Variants in SETD7 observed in about 807,000 individuals in gnomAD.
The protein encoded by SETD7 is SET domain containing 7, histone lysine methyltransferase.
A neutral mutation model predicts 41.8 loss-of-function variants in SETD7; 16 were observed. The observed-to-expected ratio is 0.38, with a 90% CI of 0.26 to 0.58. The LOEUF (loss-of-function observed/expected upper bound fraction) is 0.58. Among genes scored for constraint, SETD7 ranks in the 20% least tolerant of loss-of-function variants. SETD7 has a pLI of 0.64. For missense variants in SETD7, 346 were observed against 459.7 expected, an observed-to-expected ratio of 0.75 and a Z score of 2.26; for synonymous variants, 163 against 169.7, an observed-to-expected ratio of 0.96 and a Z score of 0.31.
intron 3 of SETD7, 113 bp from the exon 4 acceptor site, chr4:139,529,333 A>G: frequency 1.3e-6 from 1 of 785,900 alleles, no homozygotes; most frequent in South Asian, 2.1e-5. Context: ...AGTAGGGATA[A>G]TAACAGTTTA....
chr4:139,521,049 C>T (rs958150748), intron 5 of SETD7, among the ~76,000 whole-genome samples: 1 of 152,170 alleles, frequency 6.6e-6, no homozygotes, highest in Non-Finnish European at 1.5e-5. Flanking sequence ...TGAGTAGTTG[C>T]AACAGATATT....
In SETD7 at chr4:139,507,858, A is replaced by G. The variant is rs990900088; in HGVS notation, c.*3805T>C. The stretch of plus-strand genomic sequence containing the variant: ...AACCTTTGATCTGTGGCAAATAAAC[A>G]TTACAACTGTCAGTCTTGCAACATA... On this transcript the variant is annotated 3_prime_UTR_variant, in exon 8 of 8. Coordinates refer to ENST00000274031, the MANE Select transcript of SETD7 (RefSeq NM_030648.4). The G allele has an allele frequency of 2.0e-5, 3 of 152,276 alleles. No homozygotes were observed. Among genetic ancestry groups the G allele is most frequent in the Non-Finnish European group, 4.4e-5 (3 of 68,044 alleles). The allele number at this position is 152,276 out of a possible 1,614,324, so 9.4% of individuals were successfully genotyped here.
chr4:139,529,526 T>C (rs1353867525), intron 3 of SETD7, among the ~76,000 whole-genome samples: 1 of 152,234 alleles, frequency 6.6e-6, no homozygotes, highest in African/African-American at 2.4e-5. Flanking sequence ...GTTGGTTTAC[T>C]AAGAAATAAA....
chr4:139,498,664 TCTGA>T (rs1440746413), intron 7 of SETD7, among the ~76,000 whole-genome samples: 2 of 152,208 alleles, frequency 1.3e-5, no homozygotes, highest in African/African-American at 4.8e-5. Context: ...AAGATTTTTC[TCTGA>T]CTTTCTCCTG....
At chr4:139,549,256 T>G (rs1374106147) in intron 1 of SETD7, among the ~76,000 whole-genome samples, 1 of 152,238 alleles carries the variant, frequency 6.6e-6, no homozygotes, top group Non-Finnish European at 1.5e-5. Context: ...TGATAAAATG[T>G]GTTATTCCAC....
chr4:139,529,192 T>C lies in SETD7; in HGVS notation c.401A>G (p.Asn134Ser). 6.2e-7 allele frequency: 1 copy of C among 1,613,454 alleles called. No individual in the cohort carries two copies. The highest frequency in any genetic ancestry group is 8.5e-7 in the Non-Finnish European group (1 of 1,179,832). The change falls in exon 4 of 8, where the codon AAT becomes AGT. Residue 134 changes from asparagine (N) to serine (S), a missense_variant. Physicochemically the swap from Asn to Ser is conservative, Grantham distance 46. Transcript: ENST00000274031. ...PDGGSLVGEV[N>S]EDGEMTGEKI... ...CTCTCCAGTCATCTCCCCATCTTCATTTACTTCTCCTACAAGGCTTCCTCC... is the reference window on the plus strand; with the variant it reads ...CTCTCCAGTCATCTCCCCATCTTCACTTACTTCTCCTACAAGGCTTCCTCC...
intron 7 of SETD7, among the ~76,000 whole-genome samples, chr4:139,499,130 A>C (rs1360089844): frequency 6.6e-6 from 1 of 152,258 alleles, no homozygotes. Context: ...CAGAAAGGGC[A>C]CTAAAGCTGC....
At chr4:139,502,893 G>A (rs961048557), downstream of SETD7, among the ~76,000 whole-genome samples, 2 of 152,218 alleles carry the variant, frequency 1.3e-5, no homozygotes, top group East Asian at 3.9e-4. Flanking sequence ...ATTATAAGAA[G>A]CTGGTCTTGC....
At chr4:139,548,912 T>G (rs1417623940) in intron 1 of SETD7, among the ~76,000 whole-genome samples, 1 of 152,168 alleles carries the variant, frequency 6.6e-6, no homozygotes, top group African/African-American at 2.4e-5. Flanking sequence ...TAATTGTACA[T>G]GACATAAATT....
chr4:139,543,097 A>C (rs941843037), intron 2 of SETD7, among the ~76,000 whole-genome samples: 7 of 152,164 alleles, frequency 4.6e-5, no homozygotes, highest in Non-Finnish European at 8.8e-5. Context: ...TTCAATACAA[A>C]GTTTTTGTCT....
chr4:139,547,688 A>G (rs1728002003), intron 1 of SETD7, among the ~76,000 whole-genome samples: 1 of 152,260 alleles, frequency 6.6e-6, no homozygotes, highest in South Asian at 2.1e-4. Context: ...GTACAAACAC[A>G]GAAACCCAGA....
At chr4:139,513,000 T>C (rs1323508310) in intron 7 of SETD7, among the ~76,000 whole-genome samples, 1 of 151,936 alleles carries the variant, frequency 6.6e-6, no homozygotes, top group Non-Finnish European at 1.5e-5. Flanking sequence ...CTCAAGTGAT[T>C]GGCCCACCTT....
chr4:139,553,408 A>AT (rs773708253), intron 1 of SETD7, among the ~76,000 whole-genome samples: 1 of 152,258 alleles, frequency 6.6e-6, no homozygotes, highest in Non-Finnish European at 1.5e-5. Flanking sequence ...AGTTACACTG[A>AT]TAAAAAATGG....
At chr4:139,551,378 A>G (rs542642940) in intron 1 of SETD7, among the ~76,000 whole-genome samples, 1 of 152,340 alleles carries the variant, frequency 6.6e-6, no homozygotes, top group South Asian at 2.1e-4. Context: ...ATGATTTTAA[A>G]TATTTACAGA....
chr4:139,526,798 A>C (rs1727345338), intron 4 of SETD7, among the ~76,000 whole-genome samples: 1 of 152,208 alleles, frequency 6.6e-6, no homozygotes, highest in Non-Finnish European at 1.5e-5. Context: ...CTACTTCTGA[A>C]GTTTTAAAAC....
At chr4:139,496,226 T>C (rs1726452137) in exon 8 of SETD7, 4 of 532,968 alleles carry the variant, frequency 7.5e-6, no homozygotes, top group African/African-American at 5.8e-5. Context: ...GCACAACTTA[T>C]TAGGTATCTC....
chr4:139,535,693 C>T (rs1727619141), intron 2 of SETD7, among the ~76,000 whole-genome samples: 1 of 152,130 alleles, frequency 6.6e-6, no homozygotes, highest in South Asian at 2.1e-4. Context: ...GCCCAACTGA[C>T]TCAAAGTACA....
intron 1 of SETD7, among the ~76,000 whole-genome samples, chr4:139,553,577 T>C (rs1728172060): frequency 6.6e-6 from 1 of 152,254 alleles, no homozygotes; most frequent in Non-Finnish European, 1.5e-5. Context: ...CTGAGTGTTC[T>C]TGGATTAGTC....
downstream of SETD7, among the ~76,000 whole-genome samples, chr4:139,504,238 C>T (rs1470369333): frequency 6.6e-6 from 1 of 152,196 alleles, no homozygotes; most frequent in Non-Finnish European, 1.5e-5. Context: ...ATCCATTAAT[C>T]TTTTTCCGTG....
Sources: allele counts gnomAD v4.1 joint callset (sites outside exome capture counted in the v4.1 genomes callset), GRCh38; gene constraint gnomAD v4.1.1; transcripts MANE v1.5; gene names NCBI Gene and HGNC (gene_info 2026-07-23, HGNC 2026-07-21).